The following PTPN2 variants were observed in gnomAD, a reference collection of about 807,000 sequenced individuals.
PTPN2 encodes the protein tyrosine-protein phosphatase non-receptor type 2.
In PTPN2, 19 loss-of-function variants were observed where a neutral mutation model predicts 57.3. That is an observed-to-expected ratio of 0.33 (90% CI 0.23 to 0.49). PTPN2 has a LOEUF of 0.49. Among genes scored for constraint, PTPN2 ranks in the 20% least tolerant of loss-of-function variants. The pLI, the probability that PTPN2 is intolerant of heterozygous loss-of-function variation, is 0.99. For missense variants in PTPN2, 358 were observed against 501.1 expected (o/e 0.71, Z 2.73); for synonymous variants, 153 against 164.9 (o/e 0.93, Z 0.55).
At position 12,883,858 on chromosome 18, in the gene PTPN2, A is replaced by G. The variant is rs575768978; in HGVS notation, c.69+215T>C. 54 of 484,988 alleles carry G rather than the reference A, an allele frequency of 1.1e-4. No homozygotes were observed. In the East Asian group the frequency reaches 1.9e-3, roughly 17 times the overall value. 30.0% of individuals were successfully genotyped at this position (484,988 alleles called of 1,614,324 possible). On this transcript the variant is annotated intron_variant, in intron 1 of 8. Transcript: ENST00000309660. ...CGCTTGCGCTAACCATGAGCTGCTC[A>G]GCTCAAGTATGCTTTTTTTTTTTTT...
chr18:12,854,361 A>G (rs908481161), intron 2 of PTPN2, among the ~76,000 whole-genome samples: 1 of 1,564 alleles, frequency 6.4e-4, no homozygotes, highest in African/African-American at 6.8e-4. Context: ...CCCTGTCTTG[A>G]AAAAAAAAAA....
chr18:12,808,205 T>C (rs188329676), intron 7 of PTPN2, among the ~76,000 whole-genome samples: 49 of 152,232 alleles, frequency 3.2e-4, no homozygotes, highest in African/African-American at 1.1e-3. Flanking sequence ...TTTATATACA[T>C]ACACATTTTA....
rs1296324540 is a variant in PTPN2, at chr18:12,793,154, T to C, written c.*1124A>G. On this transcript the variant is annotated 3_prime_UTR_variant, in exon 9 of 9. Transcript: ENST00000309660. ...AAGACAAATTAAACACTGAATGGAA[T>C]GTTGAAATCTGAGGAAAGCTAGCAT... The C allele has an allele frequency of 1.0e-6, 1 of 985,310 alleles. No homozygotes were observed. 61.0% of individuals were successfully genotyped at this position (985,310 alleles called of 1,614,324 possible).
At position 12,808,259 on chromosome 18, in the gene PTPN2, T is replaced by C. The variant is rs8097283; in HGVS notation, c.858+5944A>G. Among the ~76,000 whole-genome samples the C allele has an allele frequency of 4.9e-3, 746 of 152,196 alleles. 11 individuals are homozygous for C. The highest frequency in any genetic ancestry group is 0.017 in the African/African-American group (711 of 41,536). On this transcript the variant is annotated intron_variant, in intron 7 of 8. Coordinates refer to ENST00000309660, the MANE Select transcript of PTPN2 (RefSeq NM_002828.4). ...TCTTCTGGCTATTTCGAAATACTTATATATACTTATATATATTTCAAGTAC... is the reference window on the plus strand; with the variant it reads ...TCTTCTGGCTATTTCGAAATACTTACATATACTTATATATATTTCAAGTAC...
chr18:12,820,015 C>T (rs550014424), intron 5 of PTPN2, among the ~76,000 whole-genome samples: 8 of 152,332 alleles, frequency 5.3e-5, no homozygotes, highest in Non-Finnish European at 8.8e-5. Flanking sequence ...AGTACCCCTA[C>T]GGGGTCCTGC....
At position 12,794,181 on chromosome 18, in the gene PTPN2, T is replaced by G. The variant is rs1377984987; in HGVS notation, c.*97A>C. ...GGTTGATGTCTATTCTACTGCACCG[T>G]TTTTGGGATATGAGGCGTTTGCTGC... On this transcript the variant is annotated 3_prime_UTR_variant, in exon 9 of 9. Coordinates refer to ENST00000309660, the MANE Select transcript of PTPN2 (RefSeq NM_002828.4). 1.3e-6 allele frequency: 2 copies of G among 1,553,034 alleles called. No homozygotes were observed. Among genetic ancestry groups the G allele is most frequent in the African/African-American group, 2.7e-5 (2 of 72,798 alleles).
intron 1 of PTPN2, among the ~76,000 whole-genome samples, chr18:12,872,478 G>A (rs1480129868): frequency 6.6e-6 from 1 of 152,184 alleles, no homozygotes; most frequent in African/African-American, 2.4e-5. Flanking sequence ...GTTATTCATT[G>A]CATTCCCTTC....
intron 2 of PTPN2, among the ~76,000 whole-genome samples, chr18:12,847,854 C>T (rs2043265756): frequency 6.6e-6 from 1 of 150,828 alleles, no homozygotes; most frequent in Non-Finnish European, 1.5e-5. Flanking sequence ...CCACCTCTGC[C>T]TCCTAAAGTG....
At chr18:12,879,492 A>T (rs2044599298) in intron 1 of PTPN2, among the ~76,000 whole-genome samples, 1 of 152,276 alleles carries the variant, frequency 6.6e-6, no homozygotes, top group Admixed American at 6.5e-5. Context: ...TTCAGCACAT[A>T]TTTTCAAGTG....
At chr18:12,815,060 G>A (rs988348782) in intron 6 of PTPN2, among the ~76,000 whole-genome samples, 3 of 150,132 alleles carry the variant, frequency 2.0e-5, no homozygotes, top group Non-Finnish European at 4.4e-5. Context: ...CTCCAGCCTG[G>A]GCGACAGAGC....
At chr18:12,881,476 T>TA (rs1189104805) in intron 1 of PTPN2, among the ~76,000 whole-genome samples, 1 of 152,134 alleles carries the variant, frequency 6.6e-6, no homozygotes, top group African/African-American at 2.4e-5. Flanking sequence ...TTTCCAGACT[T>TA]ACAATTCCAC....
At chr18:12,874,569 C>G in intron 1 of PTPN2, among the ~76,000 whole-genome samples, 1 of 126,360 alleles carries the variant, frequency 7.9e-6, no homozygotes, top group Non-Finnish European at 1.7e-5. Flanking sequence ...CCAGCCGCCC[C>G]GTCCGGGAGG....
rs142193095 is a variant in PTPN2, at chr18:12,840,624, G to A, written c.161-3733C>T. The stretch of plus-strand genomic sequence containing the variant: ...CATATGAATATGGATCACACCCATC[G>A]CACTGTCACTCAGGGAAGTCAAGTC... On this transcript the variant is annotated intron_variant, in intron 2 of 8. Transcript: ENST00000309660. 1,333 of 1,406,948 alleles carry A rather than the reference G, an allele frequency of 9.5e-4. 9 individuals are homozygous for A. The African/African-American group carries it at 0.017, about 18-fold the overall frequency. The allele number at this position is 1,406,948 out of a possible 1,614,324, so 87.2% of individuals were successfully genotyped here.
intron 6 of PTPN2, among the ~76,000 whole-genome samples, chr18:12,815,738 G>A (rs1054739949): frequency 2.3e-4 from 35 of 152,120 alleles, no homozygotes; most frequent in African/African-American, 7.2e-4. Flanking sequence ...AGACTCAACC[G>A]TTCCCAATTC....
At chr18:12,846,489 T>A (rs868797819) in intron 2 of PTPN2, among the ~76,000 whole-genome samples, 2 of 152,270 alleles carry the variant, frequency 1.3e-5, no homozygotes, top group Non-Finnish European at 2.9e-5. Context: ...TTTATTTTCA[T>A]GCTCAGATTA....
At chr18:12,837,723 C>T (rs983911812) in intron 2 of PTPN2, among the ~76,000 whole-genome samples, 7 of 152,038 alleles carry the variant, frequency 4.6e-5, no homozygotes, top group Non-Finnish European at 1.0e-4. Context: ...CATACTATTA[C>T]AAGTTGTCCC....
At chr18:12,861,116 A>G (rs1172948224) in intron 1 of PTPN2, among the ~76,000 whole-genome samples, 1 of 152,172 alleles carries the variant, frequency 6.6e-6, no homozygotes, top group African/African-American at 2.4e-5. Context: ...CTAGGATTAC[A>G]GGTTTGAGCC....
intron 2 of PTPN2, among the ~76,000 whole-genome samples, chr18:12,848,877 T>C (rs1598843998): frequency 6.6e-6 from 1 of 152,256 alleles, no homozygotes; most frequent in Non-Finnish European, 1.5e-5. Context: ...GCTTTGGCTA[T>C]GAAAGTTCTA....
intron 4 of PTPN2, among the ~76,000 whole-genome samples, chr18:12,828,504 T>C (rs1436086939): frequency 2.0e-5 from 3 of 152,224 alleles, no homozygotes; most frequent in East Asian, 3.8e-4. Flanking sequence ...ATATATTGTA[T>C]ATGATATGGG....
Sources: allele counts gnomAD v4.1 joint callset (sites outside exome capture counted in the v4.1 genomes callset), GRCh38; gene constraint gnomAD v4.1.1; transcripts MANE v1.5; gene names NCBI Gene and HGNC (gene_info 2026-07-23, HGNC 2026-07-21).